Variants in XKR9 observed in about 807,000 individuals in gnomAD.
The protein encoded by XKR9 is XK-related protein 9.
A neutral mutation model predicts 32.0 loss-of-function variants in XKR9; 32 were observed. That is an observed-to-expected ratio of 1.00 (90% confidence interval 0.76 to 1.34). The LOEUF is 1.34. Ranked by LOEUF, XKR9 falls within the 40% of genes most tolerant of loss-of-function variation. The pLI, the probability that XKR9 is intolerant of heterozygous loss-of-function variation, is 0.00. For missense variants in XKR9, 546 were observed against 429.7 expected (o/e 1.27, Z -2.39); for synonymous variants, 168 against 143.4 (o/e 1.17, Z -1.22).
At chr8:70,822,792 C>T in the XKR9 span, among the ~76,000 whole-genome samples, 1 of 152,002 alleles carries the variant, frequency 6.6e-6, no homozygotes, top group Admixed American at 6.6e-5. Flanking sequence ...AGAGCAGACT[C>T]TCCCCCTACT....
At chr8:70,794,823 T>TTGTGTGTG (rs56167343), downstream of XKR9, among the ~76,000 whole-genome samples, 41,803 of 147,476 alleles carry the variant, frequency 0.28, 6,628 homozygotes, top group Non-Finnish European at 0.38. Flanking sequence ...TAGTCTTCTT[T>TTGTGTGTG]TGTGTGTGTG....
chr8:71,040,549 A>G, the XKR9 span, among the ~76,000 whole-genome samples: 1 of 152,094 alleles, frequency 6.6e-6, no homozygotes, highest in Non-Finnish European at 1.5e-5. Flanking sequence ...GGCTAGAACT[A>G]GAGTACTCTT....
chr8:70,720,095 CTGTT>C (rs1326584709), intron 4 of XKR9, among the ~76,000 whole-genome samples: 13 of 152,204 alleles, frequency 8.5e-5, no homozygotes, highest in Admixed American at 2.0e-4. Flanking sequence ...ATTGGGCTCT[CTGTT>C]TGTCTATTAT....
intron 3 of XKR9, chr8:70,683,493 CTT>C (rs747802158): frequency 1.2e-3 from 422 of 364,848 alleles, no homozygotes; most frequent in Admixed American, 2.6e-3. Flanking sequence ...AATTACTTTT[CTT>C]TTTTTTTTTT....
At chr8:70,670,875 G>A (rs1818694029) in intron 1 of XKR9, among the ~76,000 whole-genome samples, 1 of 152,134 alleles carries the variant, frequency 6.6e-6, no homozygotes, top group African/African-American at 2.4e-5. Context: ...TCAATTAATG[G>A]CTATTCAGGC....
At chr8:70,904,876 A>G in the XKR9 span, among the ~76,000 whole-genome samples, 18 of 152,130 alleles carry the variant, frequency 1.2e-4, no homozygotes, top group South Asian at 4.1e-4. Flanking sequence ...TCCTTCACTT[A>G]TGAAGCTTAG....
Position 70,778,718 on chromosome 8 carries a change from TG to T in XKR9, n.353-10618del, listed in dbSNP as rs1807568648. On this transcript the variant is annotated intron_variant and non_coding_transcript_variant, in intron 2 of 3. Transcript: ENST00000520273. ...TCATTCTCTTTGTAGTAATTGTGAATGGGAGTTCACTCATGATTTGGGTCTC... is the reference window on the plus strand; with the variant it reads ...TCATTCTCTTTGTAGTAATTGTGAATGGAGTTCACTCATGATTTGGGTCTC... 2.0e-5 allele frequency among the ~76,000 whole-genome samples: 3 copies of T among 152,316 alleles called. No homozygotes were observed. The South Asian group carries it at 6.2e-4, about 32-fold the overall frequency.
chr8:70,808,055 A>G, the XKR9 span, among the ~76,000 whole-genome samples: 1 of 152,190 alleles, frequency 6.6e-6, no homozygotes, highest in Non-Finnish European at 1.5e-5. Flanking sequence ...CTCTAAAATC[A>G]TAAGCAACAG....
chr8:70,859,433 G>GT, the XKR9 span, among the ~76,000 whole-genome samples: 1 of 151,950 alleles, frequency 6.6e-6, no homozygotes, highest in East Asian at 1.9e-4. Context: ...TAGTATATCC[G>GT]TAAGAACAGT....
intron 4 of XKR9, among the ~76,000 whole-genome samples, chr8:70,724,860 T>C (rs1563450655): frequency 6.6e-6 from 1 of 152,296 alleles, no homozygotes; most frequent in Non-Finnish European, 1.5e-5. Context: ...GGTATCTTTA[T>C]AGCAGCACCC....
chr8:70,930,054 A>G, the XKR9 span, among the ~76,000 whole-genome samples: 1 of 152,160 alleles, frequency 6.6e-6, no homozygotes, highest in Non-Finnish European at 1.5e-5. Context: ...TTAGAACCCA[A>G]TCCCAAGTAA....
At chr8:71,046,912 T>C in the XKR9 span, among the ~76,000 whole-genome samples, 1 of 152,324 alleles carries the variant, frequency 6.6e-6, no homozygotes, top group East Asian at 1.9e-4. Context: ...TAACTTTGTA[T>C]AAAAACTATA....
the XKR9 span, among the ~76,000 whole-genome samples, chr8:70,977,881 T>C: frequency 6.6e-6 from 1 of 152,210 alleles, no homozygotes; most frequent in Non-Finnish European, 1.5e-5. Flanking sequence ...ATTCTCTTTG[T>C]AGGTCTCTAA....
the XKR9 span, among the ~76,000 whole-genome samples, chr8:70,855,760 C>G: frequency 6.6e-6 from 1 of 152,246 alleles, no homozygotes; most frequent in Non-Finnish European, 1.5e-5. Context: ...GGAAGCCCAT[C>G]AGACTAACAG....
the XKR9 span, among the ~76,000 whole-genome samples, chr8:70,832,217 G>C: frequency 6.6e-6 from 1 of 152,130 alleles, no homozygotes; most frequent in Non-Finnish European, 1.5e-5. Flanking sequence ...TTCCAGGCTA[G>C]ATGAGGGCAT....
At chr8:70,720,437 G>T (rs1806238782) in intron 4 of XKR9, among the ~76,000 whole-genome samples, 1 of 152,124 alleles carries the variant, frequency 6.6e-6, no homozygotes, top group African/African-American at 2.4e-5. Flanking sequence ...CTATGGATAT[G>T]CCATAAATAG....
the XKR9 span, among the ~76,000 whole-genome samples, chr8:71,027,186 G>A: frequency 1.3e-5 from 2 of 151,718 alleles, no homozygotes; most frequent in Non-Finnish European, 2.9e-5. Context: ...AGAATTGAAA[G>A]TGTGAACTAT....
the XKR9 span, among the ~76,000 whole-genome samples, chr8:70,969,166 A>G: frequency 2.6e-5 from 4 of 152,236 alleles, no homozygotes; most frequent in Non-Finnish European, 5.9e-5. Flanking sequence ...ATGTAAGATA[A>G]ACTCATAAAA....
chr8:70,733,812 C>G lies in XKR9; in HGVS notation c.510C>G (p.Val170=). The change falls in exon 5 of 5, where the codon GTC becomes GTG. Residue 170 remains valine, a synonymous_variant. Transcript: ENST00000408926. ...GTTTTGTAGATGCGGCCATCATGGTCTCTTGCTGTGCTATTTCTTGGTCAA... is the reference window on the plus strand; with the variant it reads ...GTTTTGTAGATGCGGCCATCATGGTGTCTTGCTGTGCTATTTCTTGGTCAA... ...ANFSQYAAIM[V]SCCAISWSTV... The G allele has an allele frequency of 1.9e-6, 3 of 1,573,860 alleles. No individual in the cohort carries two copies. Among genetic ancestry groups the G allele is most frequent in the Non-Finnish European group, 2.6e-6 (3 of 1,166,230 alleles).
Sources: gnomAD v4.1 joint callset for allele counts (sites outside exome capture counted in the v4.1 genomes callset) on GRCh38, gnomAD v4.1.1 for gene constraint, MANE v1.5 for transcripts, NCBI Gene and HGNC (gene_info 2026-07-23, HGNC 2026-07-21) for gene names.